The following NCAM1 variants were observed in gnomAD, a reference collection of about 807,000 sequenced individuals.
NCAM1 encodes neural cell adhesion molecule 1, also known as antigen recognized by monoclonal antibody 5.1H11.
A neutral mutation model predicts 109.8 loss-of-function variants in NCAM1; 14 were observed. The ratio of observed to expected loss-of-function variants is 0.13; its 90% CI spans 0.08 to 0.20. NCAM1 has a LOEUF of 0.20. NCAM1 is among the 10% of genes least tolerant of loss of function. The probability of loss-of-function intolerance (pLI) is 1.00; values close to 1 mark genes in which losing one functional copy is unlikely to be tolerated. For missense variants in NCAM1, 774 were observed against 1,109.9 expected (o/e 0.70, Z 4.30); for synonymous variants, 418 against 442.9 (o/e 0.94, Z 0.70).
chr11:113,043,120 TGGG>T (rs1346241316), intron 1 of NCAM1, among the ~76,000 whole-genome samples: 5 of 150,400 alleles, frequency 3.3e-5, no homozygotes, highest in African/African-American at 1.2e-4. Flanking sequence ...GGGTGGTAAA[TGGG>T]GGCCATAGGA....
chr11:113,226,495 C>G (rs1476596633), intron 9 of NCAM1, among the ~76,000 whole-genome samples: 2 of 152,144 alleles, frequency 1.3e-5, no homozygotes, highest in East Asian at 3.9e-4. Context: ...GACTTTAACA[C>G]CCACTGTCAA....
intron 1 of NCAM1, among the ~76,000 whole-genome samples, chr11:113,190,383 A>T (rs112345951): frequency 3.9e-5 from 6 of 152,318 alleles, no homozygotes; most frequent in African/African-American, 1.4e-4. Flanking sequence ...AATTCTGTGG[A>T]TGGATGCATC....
rs375137764 is a variant in NCAM1, at chr11:113,087,449, C to A, written c.53-114930C>A. ...GTTTTGCTTTTTTGTTCAAAGTGAA[C>A]TTTTACGTTCATAATTCTCTAGCTT... On this transcript the variant is annotated intron_variant, in intron 1 of 19. Transcript: ENST00000316851. Among the ~76,000 whole-genome samples the A allele has an allele frequency of 1.1e-4, 16 of 152,330 alleles. No individual in the cohort carries two copies. In the East Asian group the frequency reaches 1.7e-3, roughly 17 times the overall value.
chr11:113,198,843 G>A (rs1292304425), intron 1 of NCAM1, among the ~76,000 whole-genome samples: 1 of 152,172 alleles, frequency 6.6e-6, no homozygotes, highest in African/African-American at 2.4e-5. Context: ...AAGGGACCCT[G>A]AGCAAGTTAT....
intron 17 of NCAM1, chr11:113,264,528 G>A (rs1555124064): frequency 1.3e-5 from 13 of 985,548 alleles, no homozygotes; most frequent in African/African-American, 1.7e-5. Flanking sequence ...TGGGCACAGG[G>A]CAGAGCATAA....
At chr11:113,051,129 G>A (rs1299355381) in intron 1 of NCAM1, among the ~76,000 whole-genome samples, 1 of 152,198 alleles carries the variant, frequency 6.6e-6, no homozygotes, top group Non-Finnish European at 1.5e-5. Flanking sequence ...TTTCCAGGAA[G>A]AGCATTTGTG....
chr11:113,172,987 C>T lies in NCAM1; in HGVS notation c.53-29392C>T, dbSNP rs142183369. On this transcript the variant is annotated intron_variant, in intron 1 of 19. Coordinates refer to ENST00000316851, the MANE Select transcript of NCAM1 (RefSeq NM_181351.5). ...CAAGTTTTACTTTTCAAAAATACTG[C>T]TCGTGGCAGCTCCAGCCTCCACACA... Among the ~76,000 whole-genome samples, 706 of 152,286 alleles carry T rather than the reference C, an allele frequency of 4.6e-3. 6 individuals carry two copies. The highest frequency in any genetic ancestry group is 0.016 in the African/African-American group (664 of 41,558).
At chr11:113,016,012 G>A (rs1952197521) in intron 1 of NCAM1, among the ~76,000 whole-genome samples, 1 of 152,184 alleles carries the variant, frequency 6.6e-6, no homozygotes, top group South Asian at 2.1e-4. Context: ...CAGGATGATG[G>A]TGGTGTGCCG....
At chr11:113,269,209 G>T (rs1397444844) in intron 17 of NCAM1, among the ~76,000 whole-genome samples, 2 of 151,868 alleles carry the variant, frequency 1.3e-5, no homozygotes, top group Non-Finnish European at 2.9e-5. Context: ...ATCTCCCAGG[G>T]GCCCCAGAGA....
chr11:113,151,991 A>G (rs1942241272), intron 1 of NCAM1, among the ~76,000 whole-genome samples: 2 of 152,164 alleles, frequency 1.3e-5, no homozygotes, highest in Non-Finnish European at 2.9e-5. Context: ...GCATTTGATC[A>G]TCTCTAAGTG....
intron 13 of NCAM1, among the ~76,000 whole-genome samples, chr11:113,234,398 T>C (rs1228592536): frequency 2.6e-5 from 4 of 152,148 alleles, no homozygotes; most frequent in Admixed American, 2.6e-4. Flanking sequence ...TCCAGAACTT[T>C]TTATCATCCC....
In NCAM1 at chr11:113,232,150, G is replaced by C; in HGVS notation, c.1241-20G>C. 1 of 1,564,878 alleles carries C rather than the reference G, an allele frequency of 6.4e-7. No homozygotes were observed. Among genetic ancestry groups the C allele is most frequent in the East Asian group, 2.2e-5 (1 of 44,534 alleles). The stretch of plus-strand genomic sequence containing the variant: ...CATAATCATGGCAGTCATCCTGACA[G>C]TCATTGTTATTTATTGCAGATGCCC... On this transcript the variant is annotated intron_variant, in intron 10 of 19. Transcript: ENST00000316851.
rs981983964 is a variant in NCAM1, at chr11:113,277,270, T to A, written c.*1883T>A. On this transcript the variant is annotated 3_prime_UTR_variant, in exon 20 of 20. Coordinates refer to ENST00000316851, the MANE Select transcript of NCAM1 (RefSeq NM_181351.5). ...ACTTCTGCAGTCTGATCAGTGGCGA[T>A]GCTAGATTATAATTTCAAACTGTGA... 5.0e-6 allele frequency: 2 copies of A among 398,898 alleles called. No homozygotes were observed. Among genetic ancestry groups the A allele is most frequent in the Middle Eastern group, 6.3e-4 (1 of 1,588 alleles). The allele number at this position is 398,898 out of a possible 1,614,324, so 24.7% of individuals were successfully genotyped here. A position where few individuals can be genotyped will look rare whatever the true frequency, so the allele number is the denominator to read the frequency against.
At chr11:112,973,091 C>T (rs1403447316) in intron 1 of NCAM1, among the ~76,000 whole-genome samples, 15 of 152,092 alleles carry the variant, frequency 9.9e-5, no homozygotes, top group Admixed American at 2.6e-4. Flanking sequence ...GTCTTCTTAC[C>T]TCATTGCCTG....
At chr11:113,206,535 T>C (rs1426713379) in intron 5 of NCAM1, among the ~76,000 whole-genome samples, 1 of 152,146 alleles carries the variant, frequency 6.6e-6, no homozygotes, top group Admixed American at 6.5e-5. Context: ...AAGAAAGTAT[T>C]AAGTCAACTC....
intron 1 of NCAM1, among the ~76,000 whole-genome samples, chr11:113,050,068 G>T (rs1953413598): frequency 6.6e-6 from 1 of 150,930 alleles, no homozygotes. Context: ...TCAATTCTGT[G>T]GGGCTTTTCT....
chr11:113,093,377 C>T (rs1230651476), intron 1 of NCAM1, among the ~76,000 whole-genome samples: 3 of 152,190 alleles, frequency 2.0e-5, no homozygotes, highest in African/African-American at 4.8e-5. Flanking sequence ...CTCAAGTAGG[C>T]GTTCAGAGAA....
At chr11:113,120,690 T>C (rs948577816) in intron 1 of NCAM1, among the ~76,000 whole-genome samples, 1 of 152,166 alleles carries the variant, frequency 6.6e-6, no homozygotes, top group African/African-American at 2.4e-5. Context: ...CTGACACCCT[T>C]GTAACAAAAG....
intron 1 of NCAM1, among the ~76,000 whole-genome samples, chr11:113,024,324 T>G (rs1952478371): frequency 6.6e-6 from 1 of 152,246 alleles, no homozygotes; most frequent in Non-Finnish European, 1.5e-5. Context: ...CAAACTTCCA[T>G]TCCATATCCA....
Sources: gnomAD v4.1 joint callset for allele counts (sites outside exome capture counted in the v4.1 genomes callset) on GRCh38, gnomAD v4.1.1 for gene constraint, MANE v1.5 for transcripts, NCBI Gene and HGNC (gene_info 2026-07-23, HGNC 2026-07-21) for gene names.